The following ZNF217 variants were observed in gnomAD, a reference collection of about 807,000 sequenced individuals.
ZNF217 encodes the protein zinc finger protein 217.
ZNF217 carries 12 observed loss-of-function variants against 73.3 expected under a neutral mutation model. The observed-to-expected ratio is 0.16, with a 90% confidence interval of 0.10 to 0.27. The LOEUF is 0.27. Ranked by LOEUF, ZNF217 falls within the 10% of genes least tolerant of loss-of-function variation. The probability of loss-of-function intolerance (pLI) is 1.00; values close to 1 mark genes in which losing one functional copy is unlikely to be tolerated. For missense variants in ZNF217, 1,195 were observed against 1,327.8 expected, an observed-to-expected ratio of 0.90 and a Z score of 1.55; for synonymous variants, 588 against 516.4, an observed-to-expected ratio of 1.14 and a Z score of -1.88.
rs1487200977 is a variant in ZNF217, at chr20:53,582,410, G to A, written c.417C>T (p.Val139=). ...TCATGTGGATCTCAACATCAAAAGC[G>A]ACTCTAAATGTCTGCCCACATACCT... ...SCEVCGQTFR[V]AFDVEIHMRT... Residue 139 remains valine, a synonymous_variant, in exon 2 of 6, where the codon GTC becomes GTT. Coordinates refer to ENST00000371471, the MANE Select transcript of ZNF217 (RefSeq NM_006526.3). The surrounding 1 kb of genome is among the most constrained non-coding windows in gnomAD (Gnocchi z 4.8). 4 of 1,613,962 alleles carry A rather than the reference G, an allele frequency of 2.5e-6. No homozygotes were observed. The Admixed American group carries it at 5.0e-5, about 20-fold the overall frequency.
rs117626894 is a variant in ZNF217 at position 53,582,095 on chromosome 20, G to A, written c.732C>T (p.Phe244=). Residue 244 remains phenylalanine (F), a synonymous_variant, in exon 2 of 6, where the codon TTC becomes TTT. Coordinates refer to ENST00000371471, the MANE Select transcript of ZNF217 (RefSeq NM_006526.3). The surrounding 1 kb of genome is among the most constrained non-coding windows in gnomAD (Gnocchi z 4.8). Reference sequence around the variant, plus strand: ...AGTCTGTCTGCGCGCTGCTGGTACCGAAAGCAGTTTTTTTGGTGTGCACCT... The same window carrying A: ...AGTCTGTCTGCGCGCTGCTGGTACCAAAAGCAGTTTTTTTGGTGTGCACCT... ...HRKVHTKKTA[F]GTSSAQTDSP... 7.6e-5 allele frequency: 123 copies of A among 1,614,216 alleles called. No individual in the cohort carries two copies. In the East Asian group the frequency reaches 8.0e-4, roughly 11 times the overall value.
At chr20:53,588,594 C>CTA (rs61379629) in intron 1 of ZNF217, among the ~76,000 whole-genome samples, 32 of 148,268 alleles carry the variant, frequency 2.2e-4, no homozygotes, top group Middle Eastern at 3.4e-3. Context: ...ACACATCTAT[C>CTA]TATATATATA....
chr20:53,593,342 G>A (rs113303376), intron 1 of ZNF217, among the ~76,000 whole-genome samples: 16,185 of 151,972 alleles, frequency 0.11, 938 homozygotes, highest in South Asian at 0.19. Flanking sequence ...CTACGCCGAC[G>A]TTCCCCCTCC....
rs1388543039 is a variant in ZNF217 at position 53,576,382 on chromosome 20, C to G, written c.2382G>C (p.Gln794His). Residue 794 changes from glutamine (Q) to histidine (H), a missense_variant, in exon 4 of 6, where the codon CAG becomes CAC. Physicochemically the swap from Gln to His is conservative, Grantham distance 24 (BLOSUM62 0). Transcript: ENST00000371471. Reference protein sequence around the residue: ...SKSLPSAKGKQSPPGPGKAPL... With the variant: ...SKSLPSAKGKHSPPGPGKAPL... ...GGGCCTTGCCTGGCCCAGGAGGGCT[C>G]TGCTTCCCCTTCGCAGATGGCAGGG... The G allele has an allele frequency of 1.2e-6, 2 of 1,614,228 alleles. No individual in the cohort carries two copies. Among genetic ancestry groups the G allele is most frequent in the South Asian group, 2.2e-5 (2 of 91,088 alleles).
chr20:53,569,080 G>T lies in ZNF217; in HGVS notation c.*208C>A, dbSNP rs773734828. The T allele has an allele frequency of 5.7e-6, 7 of 1,233,886 alleles. No individual in the cohort carries two copies. Among genetic ancestry groups the T allele is most frequent in the Admixed American group, 3.2e-5 (1 of 31,206 alleles). The allele number at this position is 1,233,886 out of a possible 1,614,324, so 76.4% of individuals were successfully genotyped here. ...AAGTTCCAACTGTTCCAACTAGTTTGTATTGCTATTTGGTACAAAAGTTAA... is the reference window on the plus strand; with the variant it reads ...AAGTTCCAACTGTTCCAACTAGTTTTTATTGCTATTTGGTACAAAAGTTAA... On this transcript the variant is annotated 3_prime_UTR_variant, in exon 6 of 6. Coordinates refer to ENST00000371471, the MANE Select transcript of ZNF217 (RefSeq NM_006526.3).
At position 53,582,755 on chromosome 20, in the gene ZNF217, A is replaced by C; in HGVS notation, c.72T>G (p.Ile24Met). The C allele has an allele frequency of 6.2e-7, 1 of 1,614,162 alleles. No individual in the cohort carries two copies. The highest frequency in any genetic ancestry group is 8.5e-7 in the Non-Finnish European group (1 of 1,180,022). Reference sequence around the variant, plus strand: ...CCATCGGACTGCCAAGAGAGCTGCCAATCACTTCTGGCCCATCCATGTACA... The same window carrying C: ...CCATCGGACTGCCAAGAGAGCTGCCCATCACTTCTGGCCCATCCATGTACA... ...LLMYMDGPEVIGSSLGSPMEM... is the reference protein window; with the variant it reads ...LLMYMDGPEVMGSSLGSPMEM... The change falls in exon 2 of 6, where the codon ATT (isoleucine) becomes ATG (methionine). Residue 24 changes from isoleucine (I) to methionine (M), a missense_variant. By Grantham distance (10) the Ile-to-Met change is conservative (BLOSUM62 1). Around this residue, in one of 9 missense-constraint regions of ZNF217, gnomAD observed 147 missense variants for 184.3 expected, o/e 0.80. Coordinates refer to ENST00000371471, the MANE Select transcript of ZNF217 (RefSeq NM_006526.3). This position sits in a 1 kb window ranked among gnomAD's most constrained non-coding sequence, Gnocchi z 4.8.
chr20:53,583,691 CAT>C (rs1221809688), intron 1 of ZNF217, among the ~76,000 whole-genome samples: 1 of 152,228 alleles, frequency 6.6e-6, no homozygotes, highest in African/African-American at 2.4e-5. Context: ...AGATTTTGCA[CAT>C]ACAGAGGTCA....
intron 1 of ZNF217, among the ~76,000 whole-genome samples, chr20:53,590,504 G>A (rs565370674): frequency 1.3e-5 from 2 of 152,208 alleles, no homozygotes; most frequent in South Asian, 2.1e-4. Flanking sequence ...GCTAAAAGTA[G>A]CTCCTTTTTT....
intron 1 of ZNF217, among the ~76,000 whole-genome samples, chr20:53,586,210 GCACTCGA>G (rs1988686879): frequency 6.6e-6 from 1 of 152,130 alleles, no homozygotes; most frequent in African/African-American, 2.4e-5. Context: ...ACAGGATTAG[GCACTCGA>G]CACATAGCTG....
intron 4 of ZNF217, among the ~76,000 whole-genome samples, chr20:53,572,426 A>G (rs6097488): frequency 0.39 from 48,955 of 124,782 alleles, 9,074 homozygotes; most frequent in East Asian, 0.54. Context: ...AGAGGAGGGG[A>G]AAAAAAAAAG....
At chr20:53,574,681 G>C (rs1039370979) in intron 4 of ZNF217, 2 of 151,852 alleles carry the variant, frequency 1.3e-5, no homozygotes, top group African/African-American at 4.8e-5. Flanking sequence ...TATTACCCCA[G>C]CTACTCAGGA....
At position 53,567,771 on chromosome 20, in the gene ZNF217, T is replaced by A. The variant is rs1008095021; in HGVS notation, c.*1517A>T. Reference sequence around the variant, plus strand: ...GCCAACAGACTGATCTCAAATGAGTTCTCCCTTGTAACACAGGAGCTAAGA... The same window carrying A: ...GCCAACAGACTGATCTCAAATGAGTACTCCCTTGTAACACAGGAGCTAAGA... On this transcript the variant is annotated 3_prime_UTR_variant, in exon 6 of 6. Coordinates refer to ENST00000371471, the MANE Select transcript of ZNF217 (RefSeq NM_006526.3). 1 of 152,442 alleles carries A rather than the reference T, an allele frequency of 6.6e-6. No homozygotes were observed. Among genetic ancestry groups the A allele is most frequent in the African/African-American group, 2.4e-5 (1 of 41,396 alleles). The allele number at this position is 152,442 out of a possible 1,614,324, so 9.4% of individuals were successfully genotyped here. A position where few individuals can be genotyped will look rare whatever the true frequency, so the allele number is the denominator to read the frequency against.
intron 3 of ZNF217, among the ~76,000 whole-genome samples, chr20:53,577,658 T>C (rs1988332597): frequency 6.6e-6 from 1 of 152,230 alleles, no homozygotes; most frequent in African/African-American, 2.4e-5. Context: ...TCCTACATCA[T>C]GATGTCATAG....
chr20:53,590,192 T>A (rs1988831418), intron 1 of ZNF217, among the ~76,000 whole-genome samples: 1 of 152,252 alleles, frequency 6.6e-6, no homozygotes, highest in African/African-American at 2.4e-5. Context: ...TTTATGCAAC[T>A]GTCTCATGTT....
intron 1 of ZNF217, among the ~76,000 whole-genome samples, chr20:53,590,758 G>T (rs1398346934): frequency 6.6e-6 from 1 of 152,152 alleles, no homozygotes; most frequent in East Asian, 1.9e-4. Flanking sequence ...TGTTAAGAGA[G>T]AAAAAAGTGA....
chr20:53,589,907 C>G (rs6068591), intron 1 of ZNF217, among the ~76,000 whole-genome samples: 1 of 135,826 alleles, frequency 7.4e-6, no homozygotes, highest in Non-Finnish European at 1.6e-5. Flanking sequence ...CCCTCCCCCC[C>G]GCAGAATCTG....
chr20:53,596,456 T>TA (rs1989043988), upstream of ZNF217, among the ~76,000 whole-genome samples: 1 of 152,170 alleles, frequency 6.6e-6, no homozygotes, highest in South Asian at 2.1e-4. Flanking sequence ...TGCAAATACA[T>TA]ACTGTGTTTT....
chr20:53,577,293 ATGGCACTTTATTATAGAAG>A lies in ZNF217; in HGVS notation c.1484-32_1484-14del, dbSNP rs1988319645. The stretch of plus-strand genomic sequence containing the variant: ...TATGGTTTTTCACCTAAGGCAAGAA[ATGGCACTTTATTATAGAAG>A]TGTATGAAAAGCACTGAAATAGATC... On this transcript the variant is annotated splice_polypyrimidine_tract_variant and intron_variant, in intron 3 of 5. Transcript: ENST00000371471. 3.1e-6 allele frequency: 5 copies of A among 1,590,250 alleles called. No individual in the cohort carries two copies. Among genetic ancestry groups the A allele is most frequent in the Non-Finnish European group, 4.3e-6 (5 of 1,173,898 alleles).
At chr20:53,590,328 G>C (rs1988835315) in intron 1 of ZNF217, among the ~76,000 whole-genome samples, 2 of 152,052 alleles carry the variant, frequency 1.3e-5, no homozygotes, top group South Asian at 4.1e-4. Context: ...AATTAGGAAG[G>C]AACGATTTAA....
Sources: allele counts gnomAD v4.1 joint callset (sites outside exome capture counted in the v4.1 genomes callset), GRCh38; gene constraint gnomAD v4.1.1; regional missense constraint gnomAD v4.1.1; non-coding constraint Gnocchi (gnomAD v3.1); transcripts MANE v1.5; gene names NCBI Gene and HGNC (gene_info 2026-07-23, HGNC 2026-07-21).